The following MACROD2 variants were observed in gnomAD, a reference collection of about 807,000 sequenced individuals.
The protein encoded by MACROD2 is ADP-ribose glycohydrolase MACROD2.
MACROD2 carries 36 observed loss-of-function variants against 70.4 expected under a neutral mutation model. The observed-to-expected ratio is 0.51, with a 90% CI of 0.39 to 0.68. MACROD2 has a LOEUF of 0.68. Ranked by LOEUF, MACROD2 falls within the 30% of genes least tolerant of loss-of-function variation. The pLI is 0.00. For synonymous variants in MACROD2, 172 were observed against 178.8 expected (o/e 0.96, Z 0.30); for missense variants, 496 against 538.4 (o/e 0.92, Z 0.78).
intron 3 of MACROD2, among the ~76,000 whole-genome samples, chr20:14,464,500 GA>G (rs1427768472): frequency 6.6e-6 from 1 of 152,036 alleles, no homozygotes; most frequent in East Asian, 1.9e-4. Flanking sequence ...TGGATTCATT[GA>G]TTTTTTAAAG....
chr20:15,726,915 C>A (rs1022133958), intron 8 of MACROD2, among the ~76,000 whole-genome samples: 2 of 152,092 alleles, frequency 1.3e-5, no homozygotes, highest in East Asian at 3.8e-4. Context: ...TTTTGCCATG[C>A]AAAAGCTCTT....
chr20:15,039,089 T>G (rs891253438), intron 5 of MACROD2, among the ~76,000 whole-genome samples: 10 of 152,154 alleles, frequency 6.6e-5, no homozygotes, highest in African/African-American at 2.2e-4. Flanking sequence ...TTAATAAAGT[T>G]TTATGTGACC....
chr20:15,727,924 C>T (rs2050888458), intron 8 of MACROD2, among the ~76,000 whole-genome samples: 2 of 152,070 alleles, frequency 1.3e-5, no homozygotes, highest in Admixed American at 6.6e-5. Context: ...TTGTTTCTTT[C>T]TCTTGCCTGA....
At chr20:15,881,908 C>G (rs1213061531) in intron 9 of MACROD2, among the ~76,000 whole-genome samples, 1 of 152,028 alleles carries the variant, frequency 6.6e-6, no homozygotes, top group Non-Finnish European at 1.5e-5. Flanking sequence ...TATACTTTTT[C>G]TATGTCAGAT....
chr20:15,074,048 G>A (rs529576386), intron 5 of MACROD2, among the ~76,000 whole-genome samples: 16 of 152,238 alleles, frequency 1.1e-4, no homozygotes, highest in South Asian at 4.1e-4. Flanking sequence ...AAAATCCAAC[G>A]TATTCCAGTG....
chr20:14,178,189 A>T (rs2081278385), intron 3 of MACROD2, among the ~76,000 whole-genome samples: 1 of 152,160 alleles, frequency 6.6e-6, no homozygotes, highest in South Asian at 2.1e-4. Flanking sequence ...CAAAAGATCA[A>T]AAAGTCTAAA....
intron 4 of MACROD2, among the ~76,000 whole-genome samples, chr20:14,658,501 A>T (rs565463154): frequency 4.3e-4 from 65 of 152,374 alleles, no homozygotes; most frequent in Non-Finnish European, 7.2e-4. Flanking sequence ...TGCTGAATTT[A>T]TCTCTTACTT....
chr20:14,128,454 A>G (rs2054679194), intron 3 of MACROD2: 1 of 152,928 alleles, frequency 6.5e-6, no homozygotes, highest in African/African-American at 2.4e-5. Context: ...CCAGAAGTTT[A>G]TGAGGTTTAA....
rs145879226 is a variant in MACROD2 at position 14,474,587 on chromosome 20, A to G, written c.272-18892A>G. ...TGGGGTATTAAAGTCTTCTACCGTT[A>G]ATGTTATTGCAGTCTATCTTTTTCT... On this transcript the variant is annotated intron_variant, in intron 3 of 17. Coordinates refer to ENST00000684519, the MANE Select transcript of MACROD2 (RefSeq NM_001351661.2). Among the ~76,000 whole-genome samples the G allele has an allele frequency of 1.8e-4, 28 of 152,166 alleles. No homozygotes were observed. The East Asian group carries it at 5.2e-3, about 28-fold the overall frequency.
intron 3 of MACROD2, among the ~76,000 whole-genome samples, chr20:14,349,338 A>G (rs1184145268): frequency 6.6e-6 from 1 of 151,126 alleles, no homozygotes; most frequent in Admixed American, 6.6e-5. Flanking sequence ...TGCAATGTAT[A>G]ATAATCACAT....
chr20:15,905,782 G>A (rs184364298), intron 10 of MACROD2, among the ~76,000 whole-genome samples: 1 of 152,266 alleles, frequency 6.6e-6, no homozygotes, highest in Non-Finnish European at 1.5e-5. Context: ...CCTTAAAACT[G>A]TCCACCTACA....
intron 6 of MACROD2, among the ~76,000 whole-genome samples, chr20:15,330,747 A>T (rs2079167669): frequency 6.6e-6 from 1 of 151,660 alleles, no homozygotes. Context: ...GATTAAAGTG[A>T]CAAAATTCAA....
intron 4 of MACROD2, among the ~76,000 whole-genome samples, chr20:14,680,802 A>T (rs994832159): frequency 1.3e-5 from 2 of 152,174 alleles, no homozygotes; most frequent in African/African-American, 4.8e-5. Context: ...TGACTAGATA[A>T]AATAGAATGG....
chr20:14,323,942 T>G (rs1416352130), intron 3 of MACROD2: 1 of 152,192 alleles, frequency 6.6e-6, no homozygotes, highest in African/African-American at 2.4e-5. Context: ...GAAATACATT[T>G]ATACATGAAA....
At position 15,990,180 on chromosome 20, in the gene MACROD2, C is replaced by G. The variant is rs530289356; in HGVS notation, c.1153+3022C>G. Among the ~76,000 whole-genome samples the G allele has an allele frequency of 3.9e-5, 6 of 152,168 alleles. No individual in the cohort carries two copies. The South Asian group carries it at 1.0e-3, about 26-fold the overall frequency. ...CCACGTTGCCTCTTCCTAAATGAGC[C>G]CAGTTTTATGATTTCCCAGCAGGAC... On this transcript the variant is annotated intron_variant, in intron 15 of 17. Transcript: ENST00000684519.
intron 5 of MACROD2, among the ~76,000 whole-genome samples, chr20:15,044,849 A>G (rs2123035840): frequency 6.6e-6 from 1 of 152,108 alleles, no homozygotes; most frequent in East Asian, 1.9e-4. Context: ...TCCTCTTGGG[A>G]CTCTCACAGA....
intron 5 of MACROD2, among the ~76,000 whole-genome samples, chr20:15,039,922 G>C (rs1032634807): frequency 2.2e-4 from 33 of 152,234 alleles, no homozygotes; most frequent in Non-Finnish European, 5.9e-5. Context: ...GGAGAGGTAG[G>C]TGTCTGAGTC....
At chr20:15,031,626 G>C (rs777171082) in intron 5 of MACROD2, among the ~76,000 whole-genome samples, 2 of 152,168 alleles carry the variant, frequency 1.3e-5, no homozygotes, top group Non-Finnish European at 2.9e-5. Context: ...AAGTGGAGGA[G>C]ACCTGAAATG....
chr20:15,043,465 A>C (rs139607078), intron 5 of MACROD2, among the ~76,000 whole-genome samples: 2 of 152,158 alleles, frequency 1.3e-5, no homozygotes, highest in Non-Finnish European at 2.9e-5. Flanking sequence ...AGTTTTTTGC[A>C]TGATGCCTCC....
Sources: gnomAD v4.1 joint callset for allele counts (sites outside exome capture counted in the v4.1 genomes callset) on GRCh38, gnomAD v4.1.1 for gene constraint, MANE v1.5 for transcripts, NCBI Gene and HGNC (gene_info 2026-07-23, HGNC 2026-07-21) for gene names.